PPP2R5E: variants seen among roughly 807,000 people sequenced by gnomAD.
PPP2R5E encodes the protein protein phosphatase 2 regulatory subunit B'epsilon.
A neutral mutation model predicts 65.3 loss-of-function variants in PPP2R5E; 4 were observed. The ratio of observed to expected loss-of-function variants is 0.06; its 90% CI spans 0.03 to 0.14. The LOEUF (loss-of-function observed/expected upper bound fraction) is 0.14. Among genes scored for constraint, PPP2R5E ranks in the 10% least tolerant of loss-of-function variants. PPP2R5E has a pLI of 1.00. For missense variants in PPP2R5E, 274 were observed against 556.1 expected, an observed-to-expected ratio of 0.49 and a Z score of 5.10; for synonymous variants, 183 against 187.4, an observed-to-expected ratio of 0.98 and a Z score of 0.19.
intron 3 of PPP2R5E, among the ~76,000 whole-genome samples, chr14:63,441,374 C>T (rs953581009): frequency 2.6e-5 from 4 of 152,204 alleles, no homozygotes; most frequent in African/African-American, 9.7e-5. Context: ...CAAAAGCCTT[C>T]CCACAGAGAA....
chr14:63,525,487 C>T lies in PPP2R5E; in HGVS notation c.157+14042G>A, dbSNP rs956844244. 2.0e-5 allele frequency among the ~76,000 whole-genome samples: 3 copies of T among 152,318 alleles called. No individual in the cohort carries two copies. The East Asian group carries it at 5.8e-4, about 29-fold the overall frequency. On this transcript the variant is annotated intron_variant, in intron 2 of 13. Coordinates refer to ENST00000337537, the MANE Select transcript of PPP2R5E (RefSeq NM_006246.5). ...GAAGAAACCTCTAGTCATGAGAGCT[C>T]CCTTCTACAGAGAGAGATGACAAAT...
intron 2 of PPP2R5E, among the ~76,000 whole-genome samples, chr14:63,473,553 C>T (rs896711404): frequency 6.6e-6 from 1 of 152,136 alleles, no homozygotes; most frequent in African/African-American, 2.4e-5. Flanking sequence ...TAAAGATATA[C>T]AAGAGTAAAA....
intron 2 of PPP2R5E, among the ~76,000 whole-genome samples, chr14:63,471,258 T>C (rs1029695758): frequency 6.6e-6 from 1 of 152,212 alleles, no homozygotes; most frequent in African/African-American, 2.4e-5. Context: ...CATACAACTC[T>C]CACAAGTTTT....
At chr14:63,464,206 C>T (rs1278958993) in intron 2 of PPP2R5E, among the ~76,000 whole-genome samples, 1 of 152,062 alleles carries the variant, frequency 6.6e-6, no homozygotes, top group East Asian at 1.9e-4. Flanking sequence ...GACAAAAGTC[C>T]TGAGCTTTAC....
intron 2 of PPP2R5E, among the ~76,000 whole-genome samples, chr14:63,519,811 G>A (rs553576456): frequency 3.9e-4 from 59 of 151,756 alleles, no homozygotes; most frequent in African/African-American, 1.4e-3. Context: ...ACAGGCATGT[G>A]CCACCATGTC....
At chr14:63,464,501 T>G (rs903537939) in intron 2 of PPP2R5E, among the ~76,000 whole-genome samples, 5 of 151,998 alleles carry the variant, frequency 3.3e-5, no homozygotes, top group African/African-American at 1.2e-4. Flanking sequence ...AATCTGATGA[T>G]CAGCAAAGAA....
intron 5 of PPP2R5E, among the ~76,000 whole-genome samples, chr14:63,413,847 A>G (rs1482294430): frequency 6.6e-6 from 1 of 152,290 alleles, no homozygotes; most frequent in Admixed American, 6.5e-5. Context: ...CTCTCATGTT[A>G]AAGTGTGAGC....
At chr14:63,401,985 G>A (rs1885779442) in intron 5 of PPP2R5E, among the ~76,000 whole-genome samples, 1 of 152,050 alleles carries the variant, frequency 6.6e-6, no homozygotes, top group Non-Finnish European at 1.5e-5. Flanking sequence ...AGACCCCCCA[G>A]ATCCCTATCC....
At chr14:63,453,492 T>C (rs1888964651) in intron 3 of PPP2R5E, 197 bp downstream of exon 3, 1 of 442,640 alleles carries the variant, frequency 2.3e-6, no homozygotes, top group Admixed American at 4.1e-5. Context: ...CTGTCGTAGT[T>C]AAAGTTCTGG....
At chr14:63,499,391 A>G (rs1316335702) in intron 2 of PPP2R5E, among the ~76,000 whole-genome samples, 1 of 152,238 alleles carries the variant, frequency 6.6e-6, no homozygotes, top group Non-Finnish European at 1.5e-5. Flanking sequence ...AAATTTAGAG[A>G]TTTCTCTAAA....
intron 2 of PPP2R5E, among the ~76,000 whole-genome samples, chr14:63,509,428 C>T (rs2139693880): frequency 6.6e-6 from 1 of 152,088 alleles, no homozygotes; most frequent in Non-Finnish European, 1.5e-5. Flanking sequence ...TACGCACCAC[C>T]ACACCCAGCT....
chr14:63,510,428 G>T (rs754309695), intron 2 of PPP2R5E, among the ~76,000 whole-genome samples: 4 of 152,192 alleles, frequency 2.6e-5, no homozygotes, highest in Non-Finnish European at 5.9e-5. Context: ...AACTGAAGGG[G>T]ATAGAAAATA....
At chr14:63,433,438 T>C (rs2139931729) in intron 3 of PPP2R5E, among the ~76,000 whole-genome samples, 1 of 152,250 alleles carries the variant, frequency 6.6e-6, no homozygotes, top group South Asian at 2.1e-4. Context: ...CACCTGTTCA[T>C]GCCCCTCCCT....
intron 13 of PPP2R5E, among the ~76,000 whole-genome samples, chr14:63,380,800 A>G (rs555071019): frequency 6.6e-6 from 1 of 152,330 alleles, no homozygotes; most frequent in South Asian, 2.1e-4. Context: ...ACATTCCATA[A>G]TTAAGTTGGT....
chr14:63,489,245 A>G (rs1891164865), intron 2 of PPP2R5E, among the ~76,000 whole-genome samples: 1 of 152,072 alleles, frequency 6.6e-6, no homozygotes, highest in Admixed American at 6.5e-5. Context: ...TTGGAAAGTA[A>G]AAAATGAACA....
At chr14:63,490,220 G>A (rs1369405871) in intron 2 of PPP2R5E, among the ~76,000 whole-genome samples, 1 of 151,982 alleles carries the variant, frequency 6.6e-6, no homozygotes, top group African/African-American at 2.4e-5. Flanking sequence ...GGGAAAACTG[G>A]CTAACCATAT....
intron 1 of PPP2R5E, among the ~76,000 whole-genome samples, chr14:63,542,313 A>G (rs1893933824): frequency 6.6e-6 from 1 of 152,110 alleles, no homozygotes; most frequent in South Asian, 2.1e-4. Context: ...TCCTCTAATC[A>G]GCAGGCATGG....
At chr14:63,497,013 C>A (rs1891604952) in intron 2 of PPP2R5E, among the ~76,000 whole-genome samples, 1 of 152,004 alleles carries the variant, frequency 6.6e-6, no homozygotes, top group African/African-American at 2.4e-5. Context: ...ACCCCAGTAC[C>A]CCTCCCCCTG....
intron 3 of PPP2R5E, among the ~76,000 whole-genome samples, chr14:63,438,989 CA>C (rs952866411): frequency 5.4e-4 from 72 of 133,390 alleles, no homozygotes; most frequent in Non-Finnish European, 7.3e-4. Context: ...GCAGTTCTCC[CA>C]AAAAAAAAAG....
Sources: gnomAD v4.1 joint callset for allele counts (sites outside exome capture counted in the v4.1 genomes callset) on GRCh38, gnomAD v4.1.1 for gene constraint, MANE v1.5 for transcripts, NCBI Gene and HGNC (gene_info 2026-07-23, HGNC 2026-07-21) for gene names.